The following SMIM3 variants were observed in gnomAD, a reference collection of about 807,000 sequenced individuals.
SMIM3 encodes small integral membrane protein 3.
A neutral mutation model predicts 2.1 loss-of-function variants in SMIM3; 4 were observed. The observed-to-expected ratio is 1.89, with a 90% CI of 0.93 to 4.31. The LOEUF is 4.31. SMIM3 is among the 30% of genes most tolerant of loss of function. The pLI is 0.01. For synonymous variants in SMIM3, 29 were observed against 30.8 expected (o/e 0.94, Z 0.19); for missense variants, 79 against 77.7 (o/e 1.02, Z -0.06).
intron 1 of SMIM3, among the ~76,000 whole-genome samples, chr5:150,780,769 A>G (rs1753225095): frequency 6.6e-6 from 1 of 152,134 alleles, no homozygotes; most frequent in East Asian, 1.9e-4. Flanking sequence ...TTCTCTATGG[A>G]TTGAAACATG....
At chr5:150,794,936 C>T (rs1753386505) in intron 1 of SMIM3, among the ~76,000 whole-genome samples, 1 of 152,080 alleles carries the variant, frequency 6.6e-6, no homozygotes, top group South Asian at 2.1e-4. Flanking sequence ...TAGGTTCTCC[C>T]CAGAAAGGGG....
chr5:150,782,131 G>T (rs1274491327), intron 1 of SMIM3, among the ~76,000 whole-genome samples: 5 of 152,168 alleles, frequency 3.3e-5, no homozygotes, highest in Admixed American at 2.6e-4. Flanking sequence ...GTGCTCCTTA[G>T]GGACTTTGGG....
At position 150,782,488 on chromosome 5, in the gene SMIM3, G is replaced by A. The variant is rs542037560; in HGVS notation, c.-12+3516G>A. Reference sequence around the variant, plus strand: ...CCCCACCTCAGTCCCCAGCTCCTGAGCACATGGAGTCAGAACTCGAATTTG... The same window carrying A: ...CCCCACCTCAGTCCCCAGCTCCTGAACACATGGAGTCAGAACTCGAATTTG... On this transcript the variant is annotated intron_variant, in intron 1 of 1. Coordinates refer to ENST00000526627, the MANE Select transcript of SMIM3 (RefSeq NM_032947.5). 6.1e-4 allele frequency among the ~76,000 whole-genome samples: 93 copies of A among 152,204 alleles called. 1 individual carries two copies. Among genetic ancestry groups the A allele is most frequent in the African/African-American group, 2.1e-3 (87 of 41,522 alleles).
At chr5:150,788,468 C>T (rs1753314926) in intron 1 of SMIM3, among the ~76,000 whole-genome samples, 4 of 151,524 alleles carry the variant, frequency 2.6e-5, no homozygotes, top group Admixed American at 2.6e-4. Context: ...AACCTTATCT[C>T]TACAAAAAAT....
rs376101388 is a variant in SMIM3 at position 150,795,420 on chromosome 5, T to C, written c.-11-10T>C. 6.6e-5 allele frequency: 106 copies of C among 1,613,508 alleles called. 2 individuals carry two copies. In the African/African-American group the frequency reaches 1.4e-3, roughly 21 times the overall value. ...ACGCAACAGTGATCTTCCTTTCTTG[T>C]CTGTTGCAGAGTGAAGCAACATGGA... On this transcript the variant is annotated splice_polypyrimidine_tract_variant and intron_variant, in intron 1 of 1. Coordinates refer to ENST00000526627, the MANE Select transcript of SMIM3 (RefSeq NM_032947.5).
At chr5:150,788,667 T>C (rs1753317978) in intron 1 of SMIM3, among the ~76,000 whole-genome samples, 1 of 151,548 alleles carries the variant, frequency 6.6e-6, no homozygotes, top group Admixed American at 6.6e-5. Context: ...AAGAAAAAAG[T>C]TTTTTTCCTC....
In SMIM3 at chr5:150,795,637, G is replaced by C; in HGVS notation, c.*14G>C. On this transcript the variant is annotated 3_prime_UTR_variant, in exon 2 of 2. Transcript: ENST00000526627. ...GGGGCTGTTTGAGAGCCTCCCAAGA[G>C]GGCCGGGTGAGGGATGAGGACAGGC... 1 of 1,539,036 alleles carries C rather than the reference G, an allele frequency of 6.5e-7. No individual in the cohort carries two copies. Among genetic ancestry groups the C allele is most frequent in the Non-Finnish European group, 8.7e-7 (1 of 1,147,654 alleles).
intron 1 of SMIM3, among the ~76,000 whole-genome samples, chr5:150,782,185 G>A (rs1430041252): frequency 6.6e-6 from 1 of 152,168 alleles, no homozygotes; most frequent in Non-Finnish European, 1.5e-5. Context: ...CACATTTTTG[G>A]TAGTTGTATG....
chr5:150,792,351 C>T (rs1362612190), intron 1 of SMIM3, among the ~76,000 whole-genome samples: 1 of 152,174 alleles, frequency 6.6e-6, no homozygotes, highest in Non-Finnish European at 1.5e-5. Context: ...CTGAAGTGTC[C>T]TGGGAGCCCC....
At chr5:150,793,173 G>T (rs1428332668) in intron 1 of SMIM3, among the ~76,000 whole-genome samples, 1 of 151,944 alleles carries the variant, frequency 6.6e-6, no homozygotes, top group Non-Finnish European at 1.5e-5. Context: ...AATCATAGAT[G>T]ATACAAACAA....
chr5:150,793,339 AC>A lies in SMIM3; in HGVS notation c.-11-2089del, dbSNP rs1479241388. 2.6e-5 allele frequency among the ~76,000 whole-genome samples: 4 copies of A among 152,306 alleles called. No individual in the cohort carries two copies. In the East Asian group the frequency reaches 5.8e-4, roughly 22 times the overall value. ...AAAACAATTCCAAAATTCATATGGA[AC>A]CAAAAAAGAGCCTGCATAGTCAAGG... On this transcript the variant is annotated intron_variant, in intron 1 of 1. Coordinates refer to ENST00000526627, the MANE Select transcript of SMIM3 (RefSeq NM_032947.5).
At chr5:150,794,548 T>A (rs1328848357) in intron 1 of SMIM3, among the ~76,000 whole-genome samples, 4 of 152,260 alleles carry the variant, frequency 2.6e-5, no homozygotes, top group Non-Finnish European at 5.9e-5. Flanking sequence ...TCTATTATTC[T>A]AAGTGATGTA....
At position 150,796,173 on chromosome 5, in the gene SMIM3, C is replaced by A. The variant is rs1420994795; in HGVS notation, c.*550C>A. ...GGGTGATGGGTAGAGCTTTCCAGAA[C>A]CTTCTCCATTCCAGAATCTCTGCCC... is the stretch of plus-strand genomic sequence containing the variant. On this transcript the variant is annotated 3_prime_UTR_variant, in exon 2 of 2. Coordinates refer to ENST00000526627, the MANE Select transcript of SMIM3 (RefSeq NM_032947.5). 6.5e-6 allele frequency: 1 copy of A among 154,414 alleles called. No homozygotes were observed. The highest frequency in any genetic ancestry group is 2.4e-5 in the African/African-American group (1 of 41,436). The allele number at this position is 154,414 out of a possible 1,614,324, so 9.6% of individuals were successfully genotyped here. A position where few individuals can be genotyped will look rare whatever the true frequency, so the allele number is the denominator to read the frequency against.
rs553118731 is a variant in SMIM3 at position 150,779,148 on chromosome 5, C to G, written c.-12+176C>G. Among the ~76,000 whole-genome samples, 31 of 152,300 alleles carry G rather than the reference C, an allele frequency of 2.0e-4. No individual in the cohort carries two copies. The East Asian group carries it at 3.1e-3, about 15-fold the overall frequency. On this transcript the variant is annotated intron_variant, in intron 1 of 1. Coordinates refer to ENST00000526627, the MANE Select transcript of SMIM3 (RefSeq NM_032947.5). ...ACTTTTGTATTTCTTGCCCTCACCC[C>G]CTCCTTTTTCTCCTGCTGTCAGCTC...
At chr5:150,793,034 A>ATT (rs146188496) in intron 1 of SMIM3, among the ~76,000 whole-genome samples, 24,936 of 148,636 alleles carry the variant, frequency 0.17, 2,784 homozygotes, top group East Asian at 0.63. Context: ...ATTTGCGTGT[A>ATT]TTTTTTTTTT....
intron 1 of SMIM3, among the ~76,000 whole-genome samples, chr5:150,783,479 G>A (rs897217091): frequency 1.3e-5 from 2 of 152,232 alleles, no homozygotes; most frequent in African/African-American, 4.8e-5. Flanking sequence ...GTGACTTGGA[G>A]CTGGTTATAG....
chr5:150,796,643 T>C lies in SMIM3; in HGVS notation c.*1020T>C, dbSNP rs910040206. 1 of 152,392 alleles carries C rather than the reference T, an allele frequency of 6.6e-6. No individual in the cohort carries two copies. Among genetic ancestry groups the C allele is most frequent in the African/African-American group, 2.4e-5 (1 of 41,464 alleles). 9.4% of individuals were successfully genotyped at this position (152,392 alleles called of 1,614,324 possible). A position where few individuals can be genotyped will look rare whatever the true frequency, so the allele number is the denominator to read the frequency against. On this transcript the variant is annotated 3_prime_UTR_variant, in exon 2 of 2. Transcript: ENST00000526627. Reference sequence around the variant, plus strand: ...AAATTATGTAAGAAGATAGCACAGATATCGGGATATTATTGTGTGAAAATG... The same window carrying C: ...AAATTATGTAAGAAGATAGCACAGACATCGGGATATTATTGTGTGAAAATG...
chr5:150,779,829 A>AGG (rs1753212584), intron 1 of SMIM3, among the ~76,000 whole-genome samples: 1 of 111,024 alleles, frequency 9.0e-6, no homozygotes, highest in Non-Finnish European at 1.9e-5. Context: ...GAAAGGTGTA[A>AGG]CCCCCCCCGC....
intron 1 of SMIM3, among the ~76,000 whole-genome samples, chr5:150,782,309 C>G (rs556058420): frequency 8.5e-5 from 13 of 152,290 alleles, no homozygotes; most frequent in African/African-American, 3.1e-4. Flanking sequence ...AGAAATACTT[C>G]CAAGAGTAAA....
Sources: gnomAD v4.1 joint callset for allele counts (sites outside exome capture counted in the v4.1 genomes callset) on GRCh38, gnomAD v4.1.1 for gene constraint, MANE v1.5 for transcripts, NCBI Gene and HGNC (gene_info 2026-07-23, HGNC 2026-07-21) for gene names.